The following SHC3 variants were observed in gnomAD, a reference collection of about 807,000 sequenced individuals.
SHC3 encodes SHC adaptor protein 3.
In SHC3, 15 loss-of-function variants were observed where a neutral mutation model predicts 60.4. The ratio of observed to expected loss-of-function variants is 0.25; its 90% CI spans 0.17 to 0.38. SHC3 has a LOEUF of 0.38. SHC3 is among the 10% of genes least tolerant of loss of function. The probability of loss-of-function intolerance (pLI) is 1.00; values close to 1 mark genes in which losing one functional copy is unlikely to be tolerated. For missense variants in SHC3, 677 were observed against 786.1 expected, an observed-to-expected ratio of 0.86 and a Z score of 1.66; for synonymous variants, 294 against 325.9, an observed-to-expected ratio of 0.90 and a Z score of 1.05.
At chr9:89,157,404 T>C (rs917089168) in intron 1 of SHC3, among the ~76,000 whole-genome samples, 2 of 152,216 alleles carry the variant, frequency 1.3e-5, no homozygotes, top group Non-Finnish European at 2.9e-5. Flanking sequence ...AGAGACAAGA[T>C]GCAGACTCTC....
At chr9:89,026,056 C>A (rs1448506752) in intron 11 of SHC3, among the ~76,000 whole-genome samples, 1 of 152,012 alleles carries the variant, frequency 6.6e-6, no homozygotes, top group Non-Finnish European at 1.5e-5. Flanking sequence ...CCAGCCTGGC[C>A]AACATGGTGA....
intron 1 of SHC3, among the ~76,000 whole-genome samples, chr9:89,158,383 T>C (rs1826657753): frequency 6.6e-6 from 1 of 152,186 alleles, no homozygotes; most frequent in South Asian, 2.1e-4. Context: ...GAGACCATGC[T>C]CTGTATGACT....
chr9:89,152,946 G>A (rs2118221314), intron 1 of SHC3, among the ~76,000 whole-genome samples: 2 of 152,280 alleles, frequency 1.3e-5, no homozygotes, highest in Middle Eastern at 3.4e-3. Context: ...ACTAATCAAT[G>A]GTGACAGAAG....
At chr9:89,109,429 G>A (rs1005432955) in intron 2 of SHC3, 3 of 985,120 alleles carry the variant, frequency 3.0e-6, no homozygotes, top group Non-Finnish European at 3.6e-6. Context: ...CATGGATAAG[G>A]GTGCTCAGAG....
intron 11 of SHC3, among the ~76,000 whole-genome samples, chr9:89,018,451 T>C (rs1826133660): frequency 1.3e-5 from 2 of 151,656 alleles, no homozygotes; most frequent in Admixed American, 1.3e-4. Context: ...TGAGAACACA[T>C]GGACACAGGG....
At position 89,009,871 on chromosome 9, in the gene SHC3, G is replaced by C. The variant is rs982888281; in HGVS notation, c.*3576C>G. On this transcript the variant is annotated 3_prime_UTR_variant, in exon 12 of 12. Coordinates refer to ENST00000375835, the MANE Select transcript of SHC3 (RefSeq NM_016848.6). ...AGCTACCCAAGTGTCGGACGCTACT[G>C]AAAAGGAAAGCTTTATTTTGGGAGC... 2 of 152,246 alleles carry C rather than the reference G, an allele frequency of 1.3e-5. No homozygotes were observed. Among genetic ancestry groups the C allele is most frequent in the African/African-American group, 4.8e-5 (2 of 41,460 alleles). The allele number at this position is 152,246 out of a possible 1,614,324, so 9.4% of individuals were successfully genotyped here.
chr9:89,080,373 G>T (rs1188363372), intron 2 of SHC3, among the ~76,000 whole-genome samples: 1 of 152,168 alleles, frequency 6.6e-6, no homozygotes, highest in African/African-American at 2.4e-5. Flanking sequence ...TCATCTGAAA[G>T]TCTCGGAAGC....
At chr9:89,049,726 G>A (rs964948758) in intron 7 of SHC3, among the ~76,000 whole-genome samples, 2 of 152,212 alleles carry the variant, frequency 1.3e-5, no homozygotes, top group African/African-American at 4.8e-5. Context: ...TAAACAGACT[G>A]TAGCCTACTC....
Position 89,024,655 on chromosome 9 carries a change from C to T in SHC3, c.1657-11080G>A, listed in dbSNP as rs76774780. Among the ~76,000 whole-genome samples, 868 of 152,326 alleles carry T rather than the reference C, an allele frequency of 5.7e-3. 4 individuals carry two copies. The highest frequency in any genetic ancestry group is 8.9e-3 in the South Asian group (43 of 4,830). On this transcript the variant is annotated intron_variant, in intron 11 of 11. Transcript: ENST00000375835. ...ATTAATACAAGTGAAGTAGTTAGTACAGTGCGTGGCATCAAGGACATGCTG... is the reference window on the plus strand; with the variant it reads ...ATTAATACAAGTGAAGTAGTTAGTATAGTGCGTGGCATCAAGGACATGCTG...
At chr9:89,065,472 G>C in intron 6 of SHC3, 57 bp downstream of exon 6, 1 of 1,566,460 alleles carries the variant, frequency 6.4e-7, no homozygotes, top group Non-Finnish European at 8.8e-7. Context: ...AGCTTGTATA[G>C]AATGTGAAGC....
At chr9:89,018,264 G>C (rs938312061) in intron 11 of SHC3, among the ~76,000 whole-genome samples, 2 of 152,168 alleles carry the variant, frequency 1.3e-5, no homozygotes, top group Non-Finnish European at 2.9e-5. Context: ...ATGATAGACT[G>C]GGTAAAGAAA....
At chr9:89,155,230 A>G (rs941819894) in intron 1 of SHC3, among the ~76,000 whole-genome samples, 1 of 152,052 alleles carries the variant, frequency 6.6e-6, no homozygotes, top group African/African-American at 2.4e-5. Flanking sequence ...CCCAGACTCA[A>G]TACAAGCCTC....
At chr9:89,170,451 G>A (rs1338429858) in intron 1 of SHC3, among the ~76,000 whole-genome samples, 2 of 152,218 alleles carry the variant, frequency 1.3e-5, no homozygotes, top group Non-Finnish European at 2.9e-5. Flanking sequence ...TTCAGGACCA[G>A]TCTGGGCAGC....
intron 2 of SHC3, among the ~76,000 whole-genome samples, chr9:89,094,231 C>T (rs889265728): frequency 2.0e-5 from 3 of 152,028 alleles, no homozygotes; most frequent in Non-Finnish European, 4.4e-5. Context: ...TGCTGTGTCA[C>T]TAGGAGCCAT....
intron 2 of SHC3, among the ~76,000 whole-genome samples, chr9:89,102,766 T>C (rs879258973): frequency 6.6e-6 from 1 of 152,246 alleles, no homozygotes; most frequent in Non-Finnish European, 1.5e-5. Flanking sequence ...TTTTGTTATA[T>C]GCCATTTCAC....
At chr9:89,034,871 A>G (rs183171347) in intron 11 of SHC3, among the ~76,000 whole-genome samples, 1 of 152,284 alleles carries the variant, frequency 6.6e-6, no homozygotes, top group Admixed American at 6.5e-5. Context: ...TGGGAGGGAA[A>G]CTGAGGCAGG....
intron 2 of SHC3, among the ~76,000 whole-genome samples, chr9:89,090,189 A>C (rs538045105): frequency 1.3e-5 from 2 of 151,968 alleles, no homozygotes; most frequent in African/African-American, 2.4e-5. Flanking sequence ...TTTTATCTCC[A>C]CCCATTTCTC....
At chr9:89,088,418 G>A (rs1456604882) in intron 2 of SHC3, among the ~76,000 whole-genome samples, 1 of 152,110 alleles carries the variant, frequency 6.6e-6, no homozygotes, top group African/African-American at 2.4e-5. Context: ...CAATGACCTT[G>A]AACACATATT....
At chr9:89,109,203 C>T (rs1029822558) in intron 2 of SHC3, 2 of 927,860 alleles carry the variant, frequency 2.2e-6, no homozygotes, top group African/African-American at 1.8e-5. Context: ...GTTTCCATCC[C>T]CAAATGAACT....
Sources: allele counts gnomAD v4.1 joint callset (sites outside exome capture counted in the v4.1 genomes callset), GRCh38; gene constraint gnomAD v4.1.1; transcripts MANE v1.5; gene names NCBI Gene and HGNC (gene_info 2026-07-23, HGNC 2026-07-21).